ESRP1: variants seen among roughly 807,000 people sequenced by gnomAD.
ESRP1 encodes epithelial splicing regulatory protein 1.
In ESRP1, 33 loss-of-function variants were observed where a neutral mutation model predicts 81.7. The observed-to-expected ratio is 0.40, with a 90% CI of 0.31 to 0.54. ESRP1 has a LOEUF of 0.54. Among genes scored for constraint, ESRP1 ranks in the 20% least tolerant of loss-of-function variants. The pLI, the probability that ESRP1 is intolerant of heterozygous loss-of-function variation, is 0.41. For synonymous variants in ESRP1, 320 were observed against 303.3 expected (o/e 1.06, Z -0.57); for missense variants, 672 against 833.1 (o/e 0.81, Z 2.38).
intron 15 of ESRP1, among the ~76,000 whole-genome samples, chr8:94,704,514 A>C (rs1006219850): frequency 6.6e-5 from 10 of 152,036 alleles, no homozygotes; most frequent in African/African-American, 2.4e-4. Context: ...TTGTAATCTC[A>C]GCACTTTGAG....
Position 94,680,866 on chromosome 8 carries a change from T to C in ESRP1, c.1820+2495T>C, listed in dbSNP as rs561040834. ...GAAACAGCATATTCTAGGGATATTA[T>C]TAATCAGAAGCTCTTGTGTTTTTCT... On this transcript the variant is annotated intron_variant, in intron 13 of 15. Transcript: ENST00000433389. Among the ~76,000 whole-genome samples the C allele has an allele frequency of 9.9e-5, 15 of 152,278 alleles. 1 individual carries two copies. The South Asian group carries it at 3.1e-3, about 32-fold the overall frequency.
chr8:94,698,006 C>G (rs1586263153), intron 15 of ESRP1, among the ~76,000 whole-genome samples: 2 of 152,132 alleles, frequency 1.3e-5, no homozygotes, highest in South Asian at 4.1e-4. Flanking sequence ...TGGTCTTGAA[C>G]TCCTGACCCT....
chr8:94,660,766 AAAC>A (rs1818704602), intron 4 of ESRP1, among the ~76,000 whole-genome samples: 1 of 149,626 alleles, frequency 6.7e-6, no homozygotes, highest in Non-Finnish European at 1.5e-5. Context: ...AACAAACAAA[AAAC>A]CAAAGAAAAC....
chr8:94,696,869 A>G lies in ESRP1; in HGVS notation c.1989A>G (p.Gly663=). 6.3e-7 allele frequency: 1 copy of G among 1,593,646 alleles called. No individual in the cohort carries two copies. Among genetic ancestry groups the G allele is most frequent in the East Asian group, 2.2e-5 (1 of 44,544 alleles). The change falls in exon 15 of 16, where the codon GGA becomes GGG. Residue 663 remains glycine (G), a synonymous_variant. Coordinates refer to ENST00000433389, the MANE Select transcript of ESRP1 (RefSeq NM_017697.4). Reference sequence around the variant, plus strand: ...CATTTTAGTATGCAACCGAGGATGGACTTATACACACAAATGACCAGGCCA... The same window carrying G: ...CATTTTAGTATGCAACCGAGGATGGGCTTATACACACAAATGACCAGGCCA... ...FQGYQYATED[G]LIHTNDQART...
intron 14 of ESRP1, among the ~76,000 whole-genome samples, chr8:94,693,881 G>C (rs1809497255): frequency 6.6e-6 from 1 of 152,024 alleles, no homozygotes; most frequent in Admixed American, 6.6e-5. Flanking sequence ...ATTTTCTCAG[G>C]GGCTTTTAAA....
chr8:94,693,038 T>A (rs942305052), intron 14 of ESRP1, among the ~76,000 whole-genome samples: 1 of 152,208 alleles, frequency 6.6e-6, no homozygotes, highest in African/African-American at 2.4e-5. Flanking sequence ...TTTTCCATGC[T>A]GTCTTAAGTC....
chr8:94,698,856 C>T (rs547524053), intron 15 of ESRP1, among the ~76,000 whole-genome samples: 1 of 152,234 alleles, frequency 6.6e-6, no homozygotes, highest in Non-Finnish European at 1.5e-5. Context: ...TGTGGAAACC[C>T]CAGTTCTAAG....
At chr8:94,688,523 C>T (rs1809239009) in intron 13 of ESRP1, 1 of 215,414 alleles carries the variant, frequency 4.6e-6, no homozygotes, top group Non-Finnish European at 9.6e-6. Context: ...AGTTTGGTTT[C>T]ATTATACTGA....
Position 94,664,986 on chromosome 8 carries a change from G to C in ESRP1, c.815G>C (p.Arg272Thr). ...CGAAGGAACGGAGAAGCTCTGGTTA[G>C]GTTTGTAAGTGAGGAGCACCGAGAC... The part of the protein sequence containing the change: ...QGRRNGEALV[R>T]FVSEEHRDLA... The change falls in exon 8 of 16, where the codon AGG (arginine) becomes ACG (threonine). Residue 272 changes from arginine to threonine, a missense_variant. Arg to Thr is a moderately conservative substitution (Grantham distance 71). Coordinates refer to ENST00000433389, the MANE Select transcript of ESRP1 (RefSeq NM_017697.4). 1 of 1,607,290 alleles carries C rather than the reference G, an allele frequency of 6.2e-7. No homozygotes were observed. The highest frequency in any genetic ancestry group is 8.5e-7 in the Non-Finnish European group (1 of 1,177,244).
Position 94,685,067 on chromosome 8 carries a change from A to T in ESRP1, c.1820+6696A>T, listed in dbSNP as rs189882982. Among the ~76,000 whole-genome samples, 3 of 151,990 alleles carry T rather than the reference A, an allele frequency of 2.0e-5. No homozygotes were observed. In the East Asian group the frequency reaches 5.8e-4, roughly 29 times the overall value. Reference sequence around the variant, plus strand: ...TATATCTATATATGGCAAATCCTCAAATTGTGAATGTTATCAATACTCTCA... The same window carrying T: ...TATATCTATATATGGCAAATCCTCATATTGTGAATGTTATCAATACTCTCA... On this transcript the variant is annotated intron_variant, in intron 13 of 15. Transcript: ENST00000433389.
At chr8:94,660,857 G>A (rs1030856147) in intron 4 of ESRP1, among the ~76,000 whole-genome samples, 2 of 151,830 alleles carry the variant, frequency 1.3e-5, no homozygotes, top group East Asian at 3.9e-4. Context: ...GAAAGGAAGA[G>A]GCAATTGATG....
intron 13 of ESRP1, among the ~76,000 whole-genome samples, chr8:94,691,304 G>A (rs1187309394): frequency 6.6e-6 from 1 of 152,164 alleles, no homozygotes; most frequent in African/African-American, 2.4e-5. Flanking sequence ...AAACTCCCCT[G>A]CTGATTCTTA....
chr8:94,697,383 C>T (rs1179150601), intron 15 of ESRP1, among the ~76,000 whole-genome samples: 1 of 152,082 alleles, frequency 6.6e-6, no homozygotes, highest in African/African-American at 2.4e-5. Flanking sequence ...TTTGTCACTC[C>T]CTGTTTTCTC....
chr8:94,681,799 T>C (rs972146967), intron 13 of ESRP1, among the ~76,000 whole-genome samples: 8 of 152,156 alleles, frequency 5.3e-5, no homozygotes, highest in African/African-American at 1.7e-4. Context: ...CAGGGCATGG[T>C]GGTGGGCACC....
At chr8:94,685,616 A>T (rs1809106266) in intron 13 of ESRP1, among the ~76,000 whole-genome samples, 1 of 152,110 alleles carries the variant, frequency 6.6e-6, no homozygotes, top group Admixed American at 6.6e-5. Flanking sequence ...ATCCTGGCCA[A>T]CGTGGCAAAA....
chr8:94,679,724 T>C (rs1490274788), intron 13 of ESRP1, among the ~76,000 whole-genome samples: 1 of 152,094 alleles, frequency 6.6e-6, no homozygotes, highest in Non-Finnish European at 1.5e-5. Flanking sequence ...TATAGGAGTG[T>C]AGTGAGTAAA....
At chr8:94,648,916 AT>A (rs1390833316) in intron 4 of ESRP1, among the ~76,000 whole-genome samples, 1 of 152,236 alleles carries the variant, frequency 6.6e-6, no homozygotes, top group Non-Finnish European at 1.5e-5. Flanking sequence ...TAAATTTAAA[AT>A]TTTTAACAAA....
Position 94,706,000 on chromosome 8 carries a change from T to C in ESRP1, c.*111T>C. The C allele has an allele frequency of 1.3e-6, 2 of 1,486,152 alleles. No homozygotes were observed. The highest frequency in any genetic ancestry group is 1.8e-6 in the Non-Finnish European group (2 of 1,104,786). 92.1% of individuals were successfully genotyped at this position (1,486,152 alleles called of 1,614,324 possible). ...CTAGCAAATTCAGGGGAAGTTTGTC[T>C]ACACTCAGGCTGCAGTATTTTCAGC... On this transcript the variant is annotated 3_prime_UTR_variant, in exon 16 of 16. Transcript: ENST00000433389.
chr8:94,701,001 G>A (rs1253670140), intron 15 of ESRP1, among the ~76,000 whole-genome samples: 3 of 150,682 alleles, frequency 2.0e-5, no homozygotes, highest in Non-Finnish European at 2.9e-5. Flanking sequence ...GGCCGGGTGC[G>A]GTTGCTCATG....
Sources: gnomAD v4.1 joint callset for allele counts (sites outside exome capture counted in the v4.1 genomes callset) on GRCh38, gnomAD v4.1.1 for gene constraint, MANE v1.5 for transcripts, NCBI Gene and HGNC (gene_info 2026-07-23, HGNC 2026-07-21) for gene names.